The following ANKFN1 variants were observed in gnomAD, a reference collection of about 807,000 sequenced individuals.
ANKFN1 encodes ankyrin repeat and fibronectin type-III domain-containing protein 1.
In ANKFN1, 74 loss-of-function variants were observed where a neutral mutation model predicts 108.7. The observed-to-expected ratio is 0.68, with a 90% CI of 0.56 to 0.83. The LOEUF (loss-of-function observed/expected upper bound fraction) is 0.83. Ranked by LOEUF, ANKFN1 falls within the 40% of genes least tolerant of loss-of-function variation. The probability of loss-of-function intolerance (pLI) is 0.00; values close to 1 mark genes in which losing one functional copy is unlikely to be tolerated. For missense variants in ANKFN1, 1,505 were observed against 1,382.3 expected, an observed-to-expected ratio of 1.09 and a Z score of -1.41; for synonymous variants, 547 against 516.2, an observed-to-expected ratio of 1.06 and a Z score of -0.81.
At chr17:56,453,198 A>G (rs577261299) in intron 11 of ANKFN1, among the ~76,000 whole-genome samples, 21 of 152,142 alleles carry the variant, frequency 1.4e-4, no homozygotes, top group African/African-American at 5.1e-4. Context: ...GTAATGATGT[A>G]TCTCTTTTTA....
intron 3 of ANKFN1, among the ~76,000 whole-genome samples, chr17:56,271,262 C>T (rs1176514027): frequency 6.6e-6 from 1 of 152,160 alleles, no homozygotes; most frequent in Non-Finnish European, 1.5e-5. Context: ...ACCTCAGCCT[C>T]CCAAAGTGCT....
rs577507403 is a variant in ANKFN1 at position 56,386,347 on chromosome 17, G to T, written c.910+11633G>T. 1.4e-4 allele frequency among the ~76,000 whole-genome samples: 22 copies of T among 152,192 alleles called. 1 individual carries two copies. In the South Asian group the frequency reaches 4.6e-3, roughly 32 times the overall value. ...GGGGTGGGGGGAGCGGGGAGGGATA[G>T]CATCAGGAGATATACGTAATGCTAA... On this transcript the variant is annotated intron_variant, in intron 8 of 20. Coordinates refer to ENST00000682825, the MANE Select transcript of ANKFN1 (RefSeq NM_001370326.1).
chr17:56,265,628 T>G (rs982252634), intron 3 of ANKFN1, among the ~76,000 whole-genome samples: 1 of 152,172 alleles, frequency 6.6e-6, no homozygotes, highest in African/African-American at 2.4e-5. Flanking sequence ...CAGCTGGCCT[T>G]CAGTATTCAA....
At chr17:56,223,202 A>C (rs908576419) in intron 2 of ANKFN1, among the ~76,000 whole-genome samples, 1 of 152,230 alleles carries the variant, frequency 6.6e-6, no homozygotes, top group African/African-American at 2.4e-5. Flanking sequence ...ATAAGCATAA[A>C]AATATTTAGA....
intron 4 of ANKFN1, among the ~76,000 whole-genome samples, chr17:56,142,190 A>G (rs1907965608): frequency 6.6e-6 from 1 of 151,964 alleles, no homozygotes; most frequent in Non-Finnish European, 1.5e-5. Flanking sequence ...TGGCCTCCCA[A>G]AGTGCTGGGA....
At chr17:56,281,637 C>A (rs1051492135) in intron 3 of ANKFN1, among the ~76,000 whole-genome samples, 3 of 152,074 alleles carry the variant, frequency 2.0e-5, no homozygotes, top group African/African-American at 7.2e-5. Flanking sequence ...TAAAGAACTA[C>A]TAAAACTCAA....
At chr17:56,072,354 G>A (rs143520423) in intron 4 of ANKFN1, among the ~76,000 whole-genome samples, 37 of 151,894 alleles carry the variant, frequency 2.4e-4, no homozygotes, top group South Asian at 2.1e-4. Context: ...ATAGTATAGC[G>A]CAATGGATTT....
At chr17:56,368,093 T>C in intron 6 of ANKFN1, 1 of 1,036,978 alleles carries the variant, frequency 9.6e-7, no homozygotes, top group Non-Finnish European at 1.3e-6. Context: ...GTAGTTACAC[T>C]TCTGTAACAC....
intron 4 of ANKFN1, among the ~76,000 whole-genome samples, chr17:56,112,661 A>C (rs1177635273): frequency 6.6e-6 from 1 of 152,196 alleles, no homozygotes; most frequent in African/African-American, 2.4e-5. Flanking sequence ...TTAAACTTTT[A>C]AATAGAATCA....
At chr17:56,434,372 T>C (rs917522996) in intron 8 of ANKFN1, among the ~76,000 whole-genome samples, 17 of 99,336 alleles carry the variant, frequency 1.7e-4, no homozygotes, top group Admixed American at 3.8e-4. Context: ...AAGGCTTTTC[T>C]AGTGTCAAAA....
intron 1 of ANKFN1, among the ~76,000 whole-genome samples, chr17:56,198,281 A>T (rs1430641672): frequency 6.6e-6 from 1 of 152,196 alleles, no homozygotes; most frequent in Non-Finnish European, 1.5e-5. Flanking sequence ...TACTAAAACT[A>T]CCCTTTTACA....
At chr17:56,150,325 C>T (rs990357727), upstream of ANKFN1, among the ~76,000 whole-genome samples, 12 of 152,166 alleles carry the variant, frequency 7.9e-5, no homozygotes, top group South Asian at 2.1e-4. Flanking sequence ...TATGAAAAGA[C>T]GTGGCAGTCC....
intron 3 of ANKFN1, among the ~76,000 whole-genome samples, chr17:56,322,426 G>A (rs533539027): frequency 6.6e-6 from 1 of 152,282 alleles, no homozygotes; most frequent in East Asian, 1.9e-4. Flanking sequence ...GGCCAGGCCA[G>A]GTGGATCCTA....
Position 56,298,774 on chromosome 17 carries a change from T to C in ANKFN1, c.54-27447T>C, listed in dbSNP as rs117977150. Reference sequence around the variant, plus strand: ...TTTCACACACAATGTACAGTTTCTTTGAATTTATCTGTTTTTGGCTACATC... The same window carrying C: ...TTTCACACACAATGTACAGTTTCTTCGAATTTATCTGTTTTTGGCTACATC... On this transcript the variant is annotated intron_variant, in intron 3 of 20. Coordinates refer to ENST00000682825, the MANE Select transcript of ANKFN1 (RefSeq NM_001370326.1). 6.1e-3 allele frequency among the ~76,000 whole-genome samples: 929 copies of C among 152,382 alleles called. 4 individuals are homozygous for C. The highest frequency in any genetic ancestry group is 9.1e-3 in the Non-Finnish European group (618 of 68,038).
intron 8 of ANKFN1, among the ~76,000 whole-genome samples, chr17:56,436,756 G>A (rs950570617): frequency 6.6e-6 from 1 of 151,772 alleles, no homozygotes; most frequent in African/African-American, 2.4e-5. Flanking sequence ...CTTGTACCCG[G>A]GAGGCGGAGG....
chr17:56,156,854 G>A (rs1909167294), intron 1 of ANKFN1, among the ~76,000 whole-genome samples: 1 of 152,146 alleles, frequency 6.6e-6, no homozygotes, highest in Admixed American at 6.5e-5. Flanking sequence ...ACTATCTGTG[G>A]CTGCTTTCAC....
chr17:56,273,264 C>T (rs998197962), intron 3 of ANKFN1, among the ~76,000 whole-genome samples: 2 of 152,032 alleles, frequency 1.3e-5, no homozygotes, highest in Non-Finnish European at 2.9e-5. Flanking sequence ...TTATAAACAG[C>T]TCTTTGTAAA....
intron 18 of ANKFN1, among the ~76,000 whole-genome samples, chr17:56,488,325 G>T (rs1309254600): frequency 1.3e-5 from 2 of 152,156 alleles, no homozygotes; most frequent in East Asian, 3.9e-4. Flanking sequence ...GAGTTAAAAT[G>T]ATGGAACTTT....
intron 14 of ANKFN1, among the ~76,000 whole-genome samples, chr17:56,463,494 A>G (rs2145269149): frequency 6.6e-6 from 1 of 152,334 alleles, no homozygotes; most frequent in Middle Eastern, 3.4e-3. Flanking sequence ...GAGGAGAGAT[A>G]AGTATCTCAG....
Sources: gnomAD v4.1 joint callset for allele counts (sites outside exome capture counted in the v4.1 genomes callset) on GRCh38, gnomAD v4.1.1 for gene constraint, MANE v1.5 for transcripts, NCBI Gene and HGNC (gene_info 2026-07-23, HGNC 2026-07-21) for gene names.